Variants in SLIT1 observed in about 807,000 individuals in gnomAD.
SLIT1 encodes slit guidance ligand 1, also known as slit homolog 1 protein.
A neutral mutation model predicts 186.1 loss-of-function variants in SLIT1; 66 were observed. That is an observed-to-expected ratio of 0.35 (90% CI 0.29 to 0.44). The LOEUF (loss-of-function observed/expected upper bound fraction) is 0.44, where lower values mean the gene tolerates loss of function less well. SLIT1 is among the 20% of genes least tolerant of loss of function. SLIT1 has a pLI of 1.00. For synonymous variants in SLIT1, 761 were observed against 833.8 expected (o/e 0.91, Z 1.50); for missense variants, 1,638 against 2,037.4 (o/e 0.80, Z 3.77).
intron 4 of SLIT1, among the ~76,000 whole-genome samples, chr10:97,072,777 AG>A (rs1849011683): frequency 6.6e-6 from 1 of 152,230 alleles, no homozygotes; most frequent in Non-Finnish European, 1.5e-5. Context: ...ACCTGTAGAG[AG>A]AAGGACCAGG....
intron 4 of SLIT1, among the ~76,000 whole-genome samples, chr10:97,138,390 C>T (rs572070803): frequency 2.0e-5 from 3 of 152,328 alleles, no homozygotes; most frequent in East Asian, 1.9e-4. Flanking sequence ...CGCTTATCAG[C>T]GAGGGATGCA....
intron 4 of SLIT1, among the ~76,000 whole-genome samples, chr10:97,132,758 G>A (rs970504980): frequency 5.3e-5 from 8 of 152,224 alleles, no homozygotes; most frequent in Non-Finnish European, 1.0e-4. Context: ...CTGTGCCTCT[G>A]AGATATTATA....
chr10:97,078,786 G>C (rs1156513754), intron 4 of SLIT1, among the ~76,000 whole-genome samples: 3 of 152,224 alleles, frequency 2.0e-5, no homozygotes, highest in Non-Finnish European at 4.4e-5. Context: ...TGAACACCAG[G>C]GCGAGGCCTC....
In SLIT1 at chr10:97,063,472, C is replaced by T. The variant is rs781316988; in HGVS notation, c.776G>A (p.Ser259Asn). 5.6e-6 allele frequency: 9 copies of T among 1,612,720 alleles called. No homozygotes were observed. The East Asian group carries it at 1.8e-4, about 32-fold the overall frequency. The part of the protein sequence containing the change: ...RGLNVAEVQK[S>N]EFSCSGQGEA... ...GCACCCACCTGAGCAGCTGAACTCA[C>T]TCTTCTGGACCTCTGCCACATTGAG... is the stretch of plus-strand genomic sequence containing the variant. Residue 259 changes from serine (S) to asparagine (N), a missense_variant, in exon 8 of 37, where the codon AGT becomes AAT. Physicochemically the swap from Ser to Asn is conservative, Grantham distance 46. This residue lies in a region of SLIT1 where 1,245 missense variants were observed against 1,535.3 expected (regional missense o/e 0.81). Coordinates refer to ENST00000266058, the MANE Select transcript of SLIT1 (RefSeq NM_003061.3).
At chr10:97,124,721 T>A (rs190955699) in intron 4 of SLIT1, among the ~76,000 whole-genome samples, 206 of 152,308 alleles carry the variant, frequency 1.4e-3, no homozygotes, top group Admixed American at 2.7e-3. Flanking sequence ...CCAGGAGCAC[T>A]AGGTATACCT....
chr10:97,169,347 T>C (rs550059432), intron 1 of SLIT1, among the ~76,000 whole-genome samples: 2 of 152,322 alleles, frequency 1.3e-5, no homozygotes, highest in South Asian at 2.1e-4. Flanking sequence ...TAAGGAGGTA[T>C]CATTGCCACT....
intron 4 of SLIT1, among the ~76,000 whole-genome samples, chr10:97,129,329 G>A (rs1849632094): frequency 6.6e-6 from 1 of 151,666 alleles, no homozygotes; most frequent in African/African-American, 2.4e-5. Flanking sequence ...TTGAACCTCT[G>A]GGGCAGAGGT....
At chr10:97,036,411 A>G (rs2134615715) in intron 22 of SLIT1, among the ~76,000 whole-genome samples, 1 of 152,328 alleles carries the variant, frequency 6.6e-6, no homozygotes, top group South Asian at 2.1e-4. Context: ...CAGGTCATTA[A>G]GCAAAGACAG....
chr10:97,104,208 G>A (rs941332270), intron 4 of SLIT1, among the ~76,000 whole-genome samples: 4 of 152,114 alleles, frequency 2.6e-5, no homozygotes, highest in Non-Finnish European at 4.4e-5. Context: ...GAGCCCCATG[G>A]GTGTCTGGGA....
intron 7 of SLIT1, 61 bp from the exon 8 acceptor site, chr10:97,063,679 G>A: frequency 6.7e-7 from 1 of 1,499,528 alleles, no homozygotes; most frequent in East Asian, 2.4e-5. Context: ...CTGATTGTGG[G>A]AACCCCAATC....
chr10:97,083,423 A>T (rs1849125024), intron 4 of SLIT1, among the ~76,000 whole-genome samples: 1 of 152,162 alleles, frequency 6.6e-6, no homozygotes, highest in African/African-American at 2.4e-5. Flanking sequence ...AAGTGTATGT[A>T]TGTCGGCAGT....
chr10:97,042,863 G>T, intron 20 of SLIT1, 38 bp downstream of exon 20: 1 of 1,602,366 alleles, frequency 6.2e-7, no homozygotes, highest in South Asian at 1.1e-5. Flanking sequence ...TTGGACCCAG[G>T]GCGCCCTCTC....
chr10:97,141,640 CTGTATTGCATTGTAT>C, intron 4 of SLIT1, among the ~76,000 whole-genome samples: 2 of 151,948 alleles, frequency 1.3e-5, no homozygotes, highest in African/African-American at 4.8e-5. Context: ...CCTTAATGCA[CTGTATTGCATTGTAT>C]TGTATTGCAT....
chr10:97,130,074 C>A (rs1741791571), intron 4 of SLIT1, among the ~76,000 whole-genome samples: 1 of 152,204 alleles, frequency 6.6e-6, no homozygotes. Flanking sequence ...GGAACAGGAG[C>A]CAAGTTCAGG....
rs776922564 is a variant in SLIT1, at chr10:97,002,762, C to T, written c.4096G>A (p.Ala1366Thr). 2.5e-6 allele frequency: 4 copies of T among 1,611,244 alleles called. No homozygotes were observed. Among genetic ancestry groups the T allele is most frequent in the African/African-American group, 2.7e-5 (2 of 74,908 alleles). Reference sequence around the variant, plus strand: ...TCACAGTGCAGGCCCACCCAGCCAGCCTCGCAGTGGCACATGGGCCCTGGG... The same window carrying T: ...TCACAGTGCAGGCCCACCCAGCCAGTCTCGCAGTGGCACATGGGCCCTGGG... ...ATPGPMCHCE[A>T]GWVGLHCDQP... is the part of the protein sequence containing the mutation. The change falls in exon 35 of 37, where the codon GCT becomes ACT. Residue 1366 changes from alanine to threonine, a missense_variant. Around this residue, in one of 3 missense-constraint regions of SLIT1, gnomAD observed 173 missense variants for 290.9 expected, o/e 0.59. Coordinates refer to ENST00000266058, the MANE Select transcript of SLIT1 (RefSeq NM_003061.3).
At chr10:97,180,364 T>C (rs1044883850) in intron 1 of SLIT1, among the ~76,000 whole-genome samples, 1 of 152,242 alleles carries the variant, frequency 6.6e-6, no homozygotes, top group African/African-American at 2.4e-5. Flanking sequence ...ATCCCCACTT[T>C]ATGGGCAAGG....
chr10:97,106,430 A>G (rs1189779282), intron 4 of SLIT1, among the ~76,000 whole-genome samples: 1 of 152,162 alleles, frequency 6.6e-6, no homozygotes, highest in African/African-American at 2.4e-5. Context: ...GAATGAATGA[A>G]GCCTGGGCCC....
intron 25 of SLIT1, among the ~76,000 whole-genome samples, chr10:97,029,538 C>A (rs570049845): frequency 5.5e-4 from 84 of 152,312 alleles, no homozygotes; most frequent in African/African-American, 2.0e-3. Flanking sequence ...AGAGAATGTG[C>A]CTGCTCAGTG....
chr10:97,028,286 C>T (rs938416223), intron 25 of SLIT1, among the ~76,000 whole-genome samples: 3 of 152,226 alleles, frequency 2.0e-5, no homozygotes, highest in Non-Finnish European at 4.4e-5. Context: ...CCTCCCACCC[C>T]ACTCACCCTC....
Sources: allele counts gnomAD v4.1 joint callset (sites outside exome capture counted in the v4.1 genomes callset), GRCh38; gene constraint gnomAD v4.1.1; regional missense constraint gnomAD v4.1.1; transcripts MANE v1.5; gene names NCBI Gene and HGNC (gene_info 2026-07-23, HGNC 2026-07-21).